UCHL3: variants seen among roughly 807,000 people sequenced by gnomAD.
UCHL3 encodes the protein ubiquitin carboxyl-terminal hydrolase isozyme L3.
UCHL3 carries 22 observed loss-of-function variants against 35.8 expected under a neutral mutation model. That is an observed-to-expected ratio of 0.61 (90% CI 0.44 to 0.88). UCHL3 has a LOEUF of 0.88. Ranked by LOEUF, UCHL3 falls within the 40% of genes least tolerant of loss-of-function variation. The pLI, the probability that UCHL3 is intolerant of heterozygous loss-of-function variation, is 0.00. For missense variants in UCHL3, 229 were observed against 276.9 expected (o/e 0.83, Z 1.23); for synonymous variants, 90 against 92.8 (o/e 0.97, Z 0.17).
At chr13:75,586,325 G>A (rs1313922044) in intron 6 of UCHL3, among the ~76,000 whole-genome samples, 6 of 151,906 alleles carry the variant, frequency 3.9e-5, no homozygotes, top group Admixed American at 1.3e-4. Flanking sequence ...TAGCATACAC[G>A]TAACAGAAAG....
At chr13:75,591,225 T>C (rs990233819) in intron 6 of UCHL3, among the ~76,000 whole-genome samples, 4 of 152,206 alleles carry the variant, frequency 2.6e-5, no homozygotes, top group African/African-American at 9.6e-5. Flanking sequence ...TCCTTAAATA[T>C]TTGCTTCCAC....
intron 6 of UCHL3, among the ~76,000 whole-genome samples, chr13:75,590,430 A>G (rs2032451220): frequency 6.6e-6 from 1 of 152,132 alleles, no homozygotes; most frequent in East Asian, 1.9e-4. Context: ...TAAAGTGAAT[A>G]TGTGTTCTGT....
intron 6 of UCHL3, among the ~76,000 whole-genome samples, chr13:75,590,523 TTTA>T (rs528518792): frequency 6.8e-4 from 104 of 152,302 alleles, no homozygotes; most frequent in African/African-American, 2.3e-3. Context: ...CATCTATTAC[TTTA>T]TTATTATTAT....
chr13:75,594,142 A>T (rs114644446), intron 6 of UCHL3, among the ~76,000 whole-genome samples: 1 of 152,216 alleles, frequency 6.6e-6, no homozygotes, highest in Admixed American at 6.5e-5. Flanking sequence ...GACTTTGCAT[A>T]TGTTATTTGA....
At chr13:75,581,487 C>A (rs1328404522) in intron 6 of UCHL3, among the ~76,000 whole-genome samples, 1 of 150,240 alleles carries the variant, frequency 6.7e-6, no homozygotes, top group African/African-American at 2.4e-5. Flanking sequence ...GTAGCTGAGA[C>A]CACAGGCATG....
At chr13:75,558,209 T>G (rs2031357070) in intron 2 of UCHL3, among the ~76,000 whole-genome samples, 1 of 152,212 alleles carries the variant, frequency 6.6e-6, no homozygotes. Context: ...AGCATGATTC[T>G]GGTTAAAATT....
intron 6 of UCHL3, among the ~76,000 whole-genome samples, chr13:75,584,053 G>A (rs2032257352): frequency 6.6e-6 from 1 of 152,164 alleles, no homozygotes; most frequent in African/African-American, 2.4e-5. Flanking sequence ...CTTCTCTCCT[G>A]TAGAACAAAG....
Position 75,560,874 on chromosome 13 carries a change from C to A in UCHL3, c.176C>A (p.Thr59Lys). ...GCAGTCTTACTTCTCTTTCCTATTA[C>A]AGAAAAGGTAATTGTTATGTAAAAT... ...VCAVLLLFPI[T>K]EKYEVFRTEE... is the part of the protein sequence containing the mutation. Residue 59 changes from threonine to lysine, a missense_variant, in exon 3 of 9, where the codon ACA (threonine) becomes AAA (lysine). Physicochemically the swap from Thr to Lys is moderately conservative, Grantham distance 78. Transcript: ENST00000377595. 6.6e-7 allele frequency: 1 copy of A among 1,512,654 alleles called. No individual in the cohort carries two copies. Among genetic ancestry groups the A allele is most frequent in the Non-Finnish European group, 8.8e-7 (1 of 1,138,554 alleles). 93.7% of individuals were successfully genotyped at this position (1,512,654 alleles called of 1,614,324 possible). A position where few individuals can be genotyped will look rare whatever the true frequency, so the allele number is the denominator to read the frequency against.
chr13:75,596,740 A>G (rs2032655343), intron 7 of UCHL3, among the ~76,000 whole-genome samples: 2 of 152,168 alleles, frequency 1.3e-5, no homozygotes. Context: ...ACTCGGTTTT[A>G]CTAGTTAGAG....
chr13:75,590,895 G>C (rs2032462621), intron 6 of UCHL3, among the ~76,000 whole-genome samples: 1 of 152,054 alleles, frequency 6.6e-6, no homozygotes, highest in Non-Finnish European at 1.5e-5. Flanking sequence ...TGCAATTCTA[G>C]TAATTATCAT....
In UCHL3 at chr13:75,550,117, G is replaced by T. The variant is rs1320947236; in HGVS notation, c.54+130G>T. ...ATTTCTTGAGGGCCCCTCTTGTTCG[G>T]CTTTACGCGGGTCCGCCCCTTTCAG... On this transcript the variant is annotated intron_variant, in intron 2 of 8. Coordinates refer to ENST00000377595, the MANE Select transcript of UCHL3 (RefSeq NM_006002.5). The T allele has an allele frequency of 5.6e-6, 8 of 1,438,288 alleles. No homozygotes were observed. In the African/African-American group the frequency reaches 1.1e-4, roughly 20 times the overall value. 89.1% of individuals were successfully genotyped at this position (1,438,288 alleles called of 1,614,324 possible).
intron 5 of UCHL3, among the ~76,000 whole-genome samples, chr13:75,568,515 A>C (rs1396484467): frequency 1.3e-5 from 2 of 151,766 alleles, no homozygotes; most frequent in African/African-American, 4.8e-5. Flanking sequence ...GAATTTGATC[A>C]TACTGTAATA....
At chr13:75,563,438 G>C (rs982113295) in intron 3 of UCHL3, among the ~76,000 whole-genome samples, 1 of 152,140 alleles carries the variant, frequency 6.6e-6, no homozygotes, top group African/African-American at 2.4e-5. Flanking sequence ...TGGTCTCCCA[G>C]AGTGCTGGGA....
chr13:75,560,763 A>G lies in UCHL3; in HGVS notation c.65A>G (p.Gln22Arg). The G allele has an allele frequency of 6.3e-7, 1 of 1,597,382 alleles. No individual in the cohort carries two copies. The highest frequency in any genetic ancestry group is 2.2e-5 in the East Asian group (1 of 44,638). ...TCTTTCTTTTACCAGTTTCTTAAACAATTAGGTCTACATCCTAACTGGCAA... is the reference window on the plus strand; with the variant it reads ...TCTTTCTTTTACCAGTTTCTTAAACGATTAGGTCTACATCCTAACTGGCAA... ...NPEVTNQFLKQLGLHPNWQFV... is the reference protein window; with the variant it reads ...NPEVTNQFLKRLGLHPNWQFV... The change falls in exon 3 of 9, where the codon CAA becomes CGA. Residue 22 changes from glutamine (Q) to arginine (R), a missense_variant. Gln to Arg is a conservative substitution (Grantham distance 43). Coordinates refer to ENST00000377595, the MANE Select transcript of UCHL3 (RefSeq NM_006002.5).
intron 2 of UCHL3, among the ~76,000 whole-genome samples, chr13:75,560,056 A>C (rs2031441751): frequency 6.6e-6 from 1 of 152,214 alleles, no homozygotes; most frequent in South Asian, 2.1e-4. Flanking sequence ...TTCATTGTGT[A>C]GTAGAGGCCA....
intron 2 of UCHL3, among the ~76,000 whole-genome samples, chr13:75,551,624 T>C (rs902855074): frequency 1.3e-5 from 2 of 152,066 alleles, no homozygotes; most frequent in Non-Finnish European, 2.9e-5. Flanking sequence ...CCAAGAGCAG[T>C]TTATCCTGGT....
intron 6 of UCHL3, among the ~76,000 whole-genome samples, chr13:75,581,755 G>A (rs182912983): frequency 1.1e-4 from 16 of 149,070 alleles, no homozygotes; most frequent in South Asian, 2.1e-4. Flanking sequence ...TTTCAAATAC[G>A]TTGGTTATTT....
rs35853503 is a variant in UCHL3, at chr13:75,599,134, A to ATT, written c.550+4161_550+4162dup. Among the ~76,000 whole-genome samples the ATT allele has an allele frequency of 4.3e-3, 546 of 127,900 alleles. 3 individuals carry two copies. Among genetic ancestry groups the ATT allele is most frequent in the Middle Eastern group, 0.012 (3 of 246 alleles). The allele number at this position is 127,900 out of a possible 152,430, so 83.9% of individuals were successfully genotyped here. On this transcript the variant is annotated intron_variant, in intron 7 of 8. Transcript: ENST00000377595. ...TAGGCCTGTGCCACCATGCCTGGCT[A>ATT]TTTTTTTTTTTTTTTTTTGTAAATT...
chr13:75,555,054 G>A (rs775654170), intron 2 of UCHL3, among the ~76,000 whole-genome samples: 10 of 152,206 alleles, frequency 6.6e-5, no homozygotes, highest in Non-Finnish European at 1.3e-4. Context: ...TCCATTTCAA[G>A]CTTTTATCAT....
Sources: gnomAD v4.1 joint callset for allele counts (sites outside exome capture counted in the v4.1 genomes callset) on GRCh38, gnomAD v4.1.1 for gene constraint, MANE v1.5 for transcripts, NCBI Gene and HGNC (gene_info 2026-07-23, HGNC 2026-07-21) for gene names.